Variants in PRMT3 observed in about 807,000 individuals in gnomAD.
The protein encoded by PRMT3 is protein arginine methyltransferase 3, also known as protein arginine N-methyltransferase 3.
Under a neutral mutation model 71.9 loss-of-function variants are expected in PRMT3, and 62 were observed. The observed-to-expected ratio is 0.86, with a 90% CI of 0.70 to 1.07. The LOEUF (loss-of-function observed/expected upper bound fraction) is 1.07, where lower values mean the gene tolerates loss of function less well. Among genes scored for constraint, PRMT3 ranks in the 50% least tolerant of loss-of-function variants. The pLI is 0.00. For missense variants in PRMT3, 663 were observed against 643.0 expected (o/e 1.03, Z -0.34); for synonymous variants, 213 against 220.4 (o/e 0.97, Z 0.30).
intron 10 of PRMT3, among the ~76,000 whole-genome samples, chr11:20,435,508 T>C (rs1849742873): frequency 6.6e-6 from 1 of 152,318 alleles, no homozygotes; most frequent in Admixed American, 6.5e-5. Context: ...TTGATTTTTG[T>C]ATATGGTAGG....
chr11:20,482,546 C>T (rs574514456), intron 13 of PRMT3, among the ~76,000 whole-genome samples: 3 of 152,168 alleles, frequency 2.0e-5, no homozygotes, highest in African/African-American at 7.2e-5. Flanking sequence ...TCTCCCTAGA[C>T]TTATCACAGA....
chr11:20,494,492 C>T (rs1851288647), intron 15 of PRMT3, among the ~76,000 whole-genome samples: 1 of 152,102 alleles, frequency 6.6e-6, no homozygotes, highest in Non-Finnish European at 1.5e-5. Flanking sequence ...CACCACCACA[C>T]CCAGCTAATG....
intron 13 of PRMT3, among the ~76,000 whole-genome samples, chr11:20,485,778 T>C (rs1407938608): frequency 1.3e-5 from 2 of 152,198 alleles, no homozygotes. Context: ...TTTAAAGAGA[T>C]GATGGCTAAG....
chr11:20,418,344 A>G (rs1849353837), intron 9 of PRMT3, among the ~76,000 whole-genome samples: 1 of 152,166 alleles, frequency 6.6e-6, no homozygotes, highest in Non-Finnish European at 1.5e-5. Context: ...TCACGAATGG[A>G]AAAAATCAGG....
chr11:20,418,632 T>A (rs562331964), intron 9 of PRMT3, among the ~76,000 whole-genome samples: 47 of 152,332 alleles, frequency 3.1e-4, no homozygotes, highest in African/African-American at 1.1e-3. Context: ...TGGGAACATT[T>A]TTCTCTTTTA....
chr11:20,479,598 T>G (rs1201588052), intron 13 of PRMT3, among the ~76,000 whole-genome samples: 1 of 152,194 alleles, frequency 6.6e-6, no homozygotes, highest in Non-Finnish European at 1.5e-5. Context: ...CTCAAGAGAT[T>G]AGGTGAAGTA....
intron 15 of PRMT3, among the ~76,000 whole-genome samples, chr11:20,500,945 C>A (rs1421779993): frequency 1.3e-5 from 2 of 152,164 alleles, no homozygotes; most frequent in Non-Finnish European, 2.9e-5. Flanking sequence ...TGCAGTCTGA[C>A]TCTGGTTTTT....
In PRMT3 at chr11:20,435,037, A is replaced by G. The variant is rs139525716; in HGVS notation, c.993+8172A>G. On this transcript the variant is annotated intron_variant, in intron 10 of 15. Transcript: ENST00000331079. ...TGCATGGGATTTTTTTGTAAAAGCT[A>G]TTTAATTTGGTATAATCCCATTTGT... Among the ~76,000 whole-genome samples the G allele has an allele frequency of 3.9e-5, 6 of 152,148 alleles. No homozygotes were observed. In the East Asian group the frequency reaches 9.7e-4, roughly 25 times the overall value.
At chr11:20,412,516 T>A (rs993396820) in intron 9 of PRMT3, among the ~76,000 whole-genome samples, 2 of 152,068 alleles carry the variant, frequency 1.3e-5, no homozygotes, top group African/African-American at 4.8e-5. Context: ...ATCACCCGCG[T>A]CTACATTTAT....
At chr11:20,395,122 G>C (rs1369513827) in intron 5 of PRMT3, among the ~76,000 whole-genome samples, 1 of 151,958 alleles carries the variant, frequency 6.6e-6, no homozygotes, top group African/African-American at 2.4e-5. Flanking sequence ...ACTGTGTTTT[G>C]AGAATAAAAC....
chr11:20,454,859 A>G (rs1242539206), intron 11 of PRMT3, among the ~76,000 whole-genome samples: 2 of 152,098 alleles, frequency 1.3e-5, no homozygotes, highest in Non-Finnish European at 2.9e-5. Flanking sequence ...CACCATACAT[A>G]TTATGGTGAG....
rs953501987 is a variant in PRMT3, at chr11:20,494,156, T to C, written c.1399-11T>C. ...TACTTCATCAAATACCTTTGAACTT[T>C]ACCAATTCAGGTCGTGTTCTCTACG... is the stretch of plus-strand genomic sequence containing the variant. On this transcript the variant is annotated splice_polypyrimidine_tract_variant and intron_variant, in intron 14 of 15. Transcript: ENST00000331079. The C allele has an allele frequency of 6.3e-7, 1 of 1,586,852 alleles. No individual in the cohort carries two copies. Among genetic ancestry groups the C allele is most frequent in the Middle Eastern group, 1.7e-4 (1 of 6,010 alleles).
At chr11:20,428,671 TC>T (rs1219754737) in intron 10 of PRMT3, among the ~76,000 whole-genome samples, 5 of 152,210 alleles carry the variant, frequency 3.3e-5, no homozygotes, top group African/African-American at 1.2e-4. Flanking sequence ...CCTTCTGCTT[TC>T]TTCTGTACCA....
In PRMT3 at chr11:20,474,823, G is replaced by T. The variant is rs138658537; in HGVS notation, c.1347+10277G>T. 6.5e-3 allele frequency among the ~76,000 whole-genome samples: 985 copies of T among 152,334 alleles called. 10 individuals carry two copies. The highest frequency in any genetic ancestry group is 0.022 in the African/African-American group (933 of 41,570). On this transcript the variant is annotated intron_variant, in intron 13 of 15. Coordinates refer to ENST00000331079, the MANE Select transcript of PRMT3 (RefSeq NM_005788.4). ...AATGGCAAGAGCACACTTGAACAAA[G>T]GAGGGAAGCAATTTATGTCTTTTAT...
At chr11:20,439,554 A>G (rs781591188) in intron 10 of PRMT3, among the ~76,000 whole-genome samples, 5 of 152,224 alleles carry the variant, frequency 3.3e-5, no homozygotes, top group Non-Finnish European at 7.3e-5. Flanking sequence ...CCTTGCTGAT[A>G]TCACTCTCCA....
Position 20,387,788 on chromosome 11 carries a change from C to T in PRMT3, c.28+14C>T, listed in dbSNP as rs1400710831. 1.9e-6 allele frequency: 3 copies of T among 1,541,666 alleles called. No homozygotes were observed. Among genetic ancestry groups the T allele is most frequent in the Admixed American group, 2.0e-5 (1 of 50,892 alleles). ...CAGGCGCTACCGGTGGGTACCCTGG[C>T]CCCTCAGCACCCGGCTCGTCCAGCC... On this transcript the variant is annotated intron_variant, in intron 1 of 15. Transcript: ENST00000331079. This position sits in a 1 kb window ranked among gnomAD's most constrained non-coding sequence, Gnocchi z 4.3.
At chr11:20,488,178 A>G (rs960496942) in intron 13 of PRMT3, among the ~76,000 whole-genome samples, 17 of 152,180 alleles carry the variant, frequency 1.1e-4, no homozygotes, top group African/African-American at 4.1e-4. Context: ...AATTTAATGT[A>G]TAGTTACAAT....
chr11:20,500,978 T>C (rs934046450), intron 15 of PRMT3, among the ~76,000 whole-genome samples: 9 of 152,196 alleles, frequency 5.9e-5, no homozygotes, highest in Non-Finnish European at 1.2e-4. Context: ...CCCCATCCTT[T>C]CACAACCCCA....
chr11:20,464,458 A>G lies in PRMT3; in HGVS notation c.1261-2A>G. On this transcript the variant is annotated splice_acceptor_variant, in intron 12 of 15. Transcript: ENST00000331079. LOFTEE classifies it high-confidence loss of function. ...CTTTCTTCACTTCTTTTTAATGGGT[A>G]GCATATAGATTGCCATACGACGTCT... The G allele has an allele frequency of 6.2e-7, 1 of 1,600,358 alleles. No individual in the cohort carries two copies. Among genetic ancestry groups the G allele is most frequent in the Non-Finnish European group, 8.5e-7 (1 of 1,174,812 alleles).
Sources: allele counts gnomAD v4.1 joint callset (sites outside exome capture counted in the v4.1 genomes callset), GRCh38; gene constraint gnomAD v4.1.1; non-coding constraint Gnocchi (gnomAD v3.1); transcripts MANE v1.5; gene names NCBI Gene and HGNC (gene_info 2026-07-23, HGNC 2026-07-21).